The following DISC1 variants were observed in gnomAD, a reference collection of about 807,000 sequenced individuals.
DISC1 encodes DISC1 scaffold protein.
In DISC1, 57 loss-of-function variants were observed where a neutral mutation model predicts 84.5. The observed-to-expected ratio is 0.67, with a 90% CI of 0.55 to 0.84. The LOEUF (loss-of-function observed/expected upper bound fraction) is 0.84, where lower values mean the gene tolerates loss of function less well. DISC1 is among the 40% of genes least tolerant of loss of function. The probability of loss-of-function intolerance (pLI) is 0.00; values close to 1 mark genes in which losing one functional copy is unlikely to be tolerated. For missense variants in DISC1, 1,000 were observed against 1,057.8 expected, an observed-to-expected ratio of 0.95 and a Z score of 0.76; for synonymous variants, 411 against 415.2, an observed-to-expected ratio of 0.99 and a Z score of 0.12.
chr1:231,909,054 C>T (rs997718124), intron 9 of DISC1, among the ~76,000 whole-genome samples: 3 of 152,186 alleles, frequency 2.0e-5, no homozygotes, highest in Admixed American at 2.0e-4. Flanking sequence ...TGCTTATCAG[C>T]TTAAGCAGAT....
At chr1:231,726,983 T>G (rs1339435583) in intron 3 of DISC1, among the ~76,000 whole-genome samples, 1 of 152,176 alleles carries the variant, frequency 6.6e-6, no homozygotes, top group Non-Finnish European at 1.5e-5. Flanking sequence ...CTCAAGCTAA[T>G]AGAATCAACC....
At chr1:231,685,702 C>T (rs562552204) in intron 1 of DISC1, among the ~76,000 whole-genome samples, 8 of 152,218 alleles carry the variant, frequency 5.3e-5, no homozygotes, top group Middle Eastern at 3.4e-3. Context: ...CTGCCTGCCT[C>T]GGCCTCCCAA....
chr1:231,747,846 T>C (rs2074179897), intron 3 of DISC1, among the ~76,000 whole-genome samples: 1 of 152,192 alleles, frequency 6.6e-6, no homozygotes, highest in Non-Finnish European at 1.5e-5. Flanking sequence ...TTTAACAATA[T>C]TAATTCTTAC....
At chr1:231,918,024 T>C (rs1235098131) in intron 9 of DISC1, among the ~76,000 whole-genome samples, 1 of 152,200 alleles carries the variant, frequency 6.6e-6, no homozygotes, top group East Asian at 1.9e-4. Context: ...AAATTAGCAT[T>C]GGAACTAGAA....
intron 9 of DISC1, among the ~76,000 whole-genome samples, chr1:231,830,277 G>A (rs1490499878): frequency 3.3e-5 from 5 of 152,104 alleles, no homozygotes; most frequent in Non-Finnish European, 7.3e-5. Context: ...GGTAAAGGGT[G>A]ATATTGTGCG....
At chr1:231,711,084 T>C (rs1006236386) in intron 3 of DISC1, among the ~76,000 whole-genome samples, 2 of 152,286 alleles carry the variant, frequency 1.3e-5, no homozygotes, top group Middle Eastern at 6.8e-3. Flanking sequence ...ACAAGTGAAC[T>C]TAGCTGTTTT....
chr1:231,914,812 A>G (rs1471118108), intron 9 of DISC1, among the ~76,000 whole-genome samples: 2 of 152,236 alleles, frequency 1.3e-5, no homozygotes, highest in African/African-American at 2.4e-5. Context: ...GCAAGATGTG[A>G]TCAATATGTA....
intron 6 of DISC1, among the ~76,000 whole-genome samples, chr1:231,776,221 C>T (rs1465420853): frequency 2.6e-5 from 4 of 152,146 alleles, no homozygotes; most frequent in African/African-American, 9.7e-5. Context: ...GTAATAATCA[C>T]AGTGATGACG....
At chr1:231,957,874 C>T (rs548426672) in intron 9 of DISC1, among the ~76,000 whole-genome samples, 1 of 152,208 alleles carries the variant, frequency 6.6e-6, no homozygotes, top group African/African-American at 2.4e-5. Context: ...TCCCCAGACA[C>T]TCCAGTAGCA....
At chr1:231,631,251 C>T (rs2058681532) in intron 1 of DISC1, among the ~76,000 whole-genome samples, 2 of 152,202 alleles carry the variant, frequency 1.3e-5, no homozygotes, top group African/African-American at 4.8e-5. Context: ...AAAATAAGTG[C>T]AGTCATGCCT....
At chr1:231,669,438 A>G (rs778377468) in intron 1 of DISC1, among the ~76,000 whole-genome samples, 2 of 152,186 alleles carry the variant, frequency 1.3e-5, no homozygotes, top group African/African-American at 2.4e-5. Flanking sequence ...TAAACAGACA[A>G]CCTACAGAAT....
intron 9 of DISC1, among the ~76,000 whole-genome samples, chr1:231,839,067 C>A (rs181801325): frequency 1.8e-3 from 279 of 152,254 alleles, no homozygotes; most frequent in Non-Finnish European, 3.1e-3. Context: ...TAAGGACAAC[C>A]AAGGATGCCT....
At chr1:231,823,449 C>G (rs2081640931) in intron 9 of DISC1, among the ~76,000 whole-genome samples, 1 of 152,004 alleles carries the variant, frequency 6.6e-6, no homozygotes, top group African/African-American at 2.4e-5. Flanking sequence ...AATGAACTTC[C>G]TAGAAGTCAC....
At chr1:231,747,077 A>G (rs1028429993) in intron 3 of DISC1, among the ~76,000 whole-genome samples, 2 of 151,976 alleles carry the variant, frequency 1.3e-5, no homozygotes, top group Non-Finnish European at 2.9e-5. Flanking sequence ...CTACAGCCAT[A>G]CACCACCATG....
intron 9 of DISC1, among the ~76,000 whole-genome samples, chr1:231,910,107 T>C (rs193139662): frequency 8.5e-5 from 13 of 152,332 alleles, no homozygotes; most frequent in Non-Finnish European, 1.6e-4. Flanking sequence ...ATCAATTTTG[T>C]TGATCTTTTC....
intron 10 of DISC1, 88 bp from the exon 11 acceptor site, chr1:232,008,697 A>T: frequency 6.9e-7 from 1 of 1,445,754 alleles, no homozygotes. Context: ...TGACCAGCTG[A>T]CTTTTAGCCA....
intron 9 of DISC1, among the ~76,000 whole-genome samples, chr1:231,941,726 C>G (rs534971906): frequency 5.7e-4 from 87 of 152,316 alleles, no homozygotes; most frequent in Non-Finnish European, 9.1e-4. Flanking sequence ...CTGCCTCAGC[C>G]TCCCAAAGTG....
At chr1:231,800,421 T>A (rs2079139027) in intron 8 of DISC1, among the ~76,000 whole-genome samples, 1 of 152,186 alleles carries the variant, frequency 6.6e-6, no homozygotes, top group Non-Finnish European at 1.5e-5. Flanking sequence ...TTCCTGTTTC[T>A]TGAAGAGTTT....
chr1:231,823,274 G>T (rs1309973574), intron 9 of DISC1, among the ~76,000 whole-genome samples: 2 of 152,108 alleles, frequency 1.3e-5, no homozygotes, highest in African/African-American at 2.4e-5. Flanking sequence ...AAAATCTATG[G>T]GTCTCTTTTA....
Sources: allele counts gnomAD v4.1 joint callset (sites outside exome capture counted in the v4.1 genomes callset), GRCh38; gene constraint gnomAD v4.1.1; transcripts MANE v1.5; gene names NCBI Gene and HGNC (gene_info 2026-07-23, HGNC 2026-07-21).